The following FBXL17 variants were observed in gnomAD, a reference collection of about 807,000 sequenced individuals.
FBXL17 encodes the protein F-box/LRR-repeat protein 17.
A neutral mutation model predicts 66.2 loss-of-function variants in FBXL17; 22 were observed. The observed-to-expected ratio is 0.33, with a 90% confidence interval of 0.24 to 0.47. The LOEUF (loss-of-function observed/expected upper bound fraction) is 0.47, where lower values mean the gene tolerates loss of function less well. Ranked by LOEUF, FBXL17 falls within the 20% of genes least tolerant of loss-of-function variation. FBXL17 has a pLI of 1.00. For missense variants in FBXL17, 878 were observed against 948.2 expected, an observed-to-expected ratio of 0.93 and a Z score of 0.97; for synonymous variants, 474 against 400.5, an observed-to-expected ratio of 1.18 and a Z score of -2.19.
chr5:108,142,819 C>A (rs1234690499), intron 6 of FBXL17, among the ~76,000 whole-genome samples: 2 of 151,660 alleles, frequency 1.3e-5, no homozygotes, highest in African/African-American at 4.8e-5. Context: ...GTCAGATCAG[C>A]AGCAGCAGCA....
rs180927504 is a variant in FBXL17, at chr5:108,103,627, A to G, written c.1745+82490T>C. Among the ~76,000 whole-genome samples the G allele has an allele frequency of 3.6e-3, 542 of 152,274 alleles. 1 individual carries two copies. Among genetic ancestry groups the G allele is most frequent in the Non-Finnish European group, 6.0e-3 (405 of 68,014 alleles). ...TTTTATGTCATGTATTTTTCAGGCA[A>G]TCTCATACTCCTGTAGTAAAACTTT... On this transcript the variant is annotated intron_variant, in intron 6 of 8. Coordinates refer to ENST00000542267, the MANE Select transcript of FBXL17 (RefSeq NM_001163315.3).
intron 2 of FBXL17, among the ~76,000 whole-genome samples, chr5:108,367,046 G>C (rs1378362605): frequency 6.6e-6 from 1 of 151,984 alleles, no homozygotes. Context: ...TTACAAATCA[G>C]GGCTTTTTTT....
Position 108,253,314 on chromosome 5 carries a change from C to A in FBXL17, c.1507-29086G>T, listed in dbSNP as rs183142843. The stretch of plus-strand genomic sequence containing the variant: ...TGCAATGGTAATTCTGGTATTTATG[C>A]ATGTAGAATGGTTCTTTGAATACTG... On this transcript the variant is annotated intron_variant, in intron 4 of 8. Coordinates refer to ENST00000542267, the MANE Select transcript of FBXL17 (RefSeq NM_001163315.3). Among the ~76,000 whole-genome samples, 6 of 152,188 alleles carry A rather than the reference C, an allele frequency of 3.9e-5. No individual in the cohort carries two copies. The East Asian group carries it at 9.7e-4, about 24-fold the overall frequency.
chr5:108,209,121 T>C (rs1186874888), intron 5 of FBXL17, among the ~76,000 whole-genome samples: 1 of 152,214 alleles, frequency 6.6e-6, no homozygotes, highest in African/African-American at 2.4e-5. Context: ...TAGTCTGTTA[T>C]TGGTGTATAG....
At chr5:108,362,309 G>A (rs1426649804) in intron 3 of FBXL17, among the ~76,000 whole-genome samples, 1 of 152,132 alleles carries the variant, frequency 6.6e-6, no homozygotes, top group Admixed American at 6.6e-5. Flanking sequence ...GAGCTGGAGT[G>A]TTAAACTGCT....
intron 5 of FBXL17, among the ~76,000 whole-genome samples, chr5:108,204,631 A>AT (rs1327648017): frequency 2.6e-5 from 4 of 152,168 alleles, no homozygotes; most frequent in African/African-American, 9.6e-5. Context: ...ATAACTTGCC[A>AT]TTTTTGGCAT....
At chr5:108,238,426 G>A (rs1172212297) in intron 4 of FBXL17, among the ~76,000 whole-genome samples, 1 of 152,136 alleles carries the variant, frequency 6.6e-6, no homozygotes, top group Admixed American at 6.6e-5. Flanking sequence ...AGTAAGAAGG[G>A]CACATGTTAA....
At chr5:108,105,722 T>G (rs2081477166) in intron 6 of FBXL17, among the ~76,000 whole-genome samples, 1 of 151,956 alleles carries the variant, frequency 6.6e-6, no homozygotes, top group Non-Finnish European at 1.5e-5. Context: ...AACTTTGCTT[T>G]TGCTTTCAAC....
chr5:108,016,782 C>CATT (rs1554057332), intron 7 of FBXL17, among the ~76,000 whole-genome samples: 2 of 146,458 alleles, frequency 1.4e-5, no homozygotes, highest in Non-Finnish European at 3.0e-5. Context: ...TTCTTTCTTT[C>CATT]TTTCTTTTTT....
chr5:108,156,464 T>A (rs1752000883), intron 6 of FBXL17, among the ~76,000 whole-genome samples: 1 of 151,988 alleles, frequency 6.6e-6, no homozygotes, highest in Non-Finnish European at 1.5e-5. Flanking sequence ...TATTTATATA[T>A]CTTAGACATA....
chr5:108,244,014 A>T (rs550225965), intron 4 of FBXL17, among the ~76,000 whole-genome samples: 83 of 152,272 alleles, frequency 5.5e-4, no homozygotes, highest in Non-Finnish European at 1.0e-3. Flanking sequence ...GATAAAGGCA[A>T]TGTATTTAGA....
At chr5:108,143,661 G>A (rs2149989009) in intron 6 of FBXL17, among the ~76,000 whole-genome samples, 1 of 143,782 alleles carries the variant, frequency 7.0e-6, no homozygotes, top group Non-Finnish European at 1.5e-5. Context: ...CCTTCCTTGA[G>A]CCCCTTAGCT....
At chr5:108,128,057 C>T (rs1270819495) in intron 6 of FBXL17, among the ~76,000 whole-genome samples, 1 of 151,890 alleles carries the variant, frequency 6.6e-6, no homozygotes, top group Non-Finnish European at 1.5e-5. Context: ...ACCAGGCTGG[C>T]CAACAAGGTG....
rs999747338 is a variant in FBXL17, at chr5:107,859,382, T to G, written c.*2338A>C. ...CAGGACCACTCAAGGTGATGCTTTTTTCTGGCTGTTTTTTTTTTTTTTTTT... is the reference window on the plus strand; with the variant it reads ...CAGGACCACTCAAGGTGATGCTTTTGTCTGGCTGTTTTTTTTTTTTTTTTT... On this transcript the variant is annotated 3_prime_UTR_variant, in exon 9 of 9. Transcript: ENST00000542267. The G allele has an allele frequency of 5.4e-5, 8 of 148,194 alleles. No homozygotes were observed. Among genetic ancestry groups the G allele is most frequent in the African/African-American group, 2.0e-4 (8 of 40,348 alleles). The allele number at this position is 148,194 out of a possible 1,614,324, so 9.2% of individuals were successfully genotyped here.
At chr5:108,285,343 C>A (rs1181094951) in intron 4 of FBXL17, among the ~76,000 whole-genome samples, 1 of 151,884 alleles carries the variant, frequency 6.6e-6, no homozygotes, top group Non-Finnish European at 1.5e-5. Flanking sequence ...TTCTTAATGG[C>A]ATCTAGAATG....
chr5:108,263,859 C>T (rs1017904392), intron 4 of FBXL17, among the ~76,000 whole-genome samples: 1 of 152,132 alleles, frequency 6.6e-6, no homozygotes, highest in Non-Finnish European at 1.5e-5. Context: ...CTTATTAGAA[C>T]AAACTACCCA....
intron 4 of FBXL17, among the ~76,000 whole-genome samples, chr5:108,267,171 C>G (rs994416604): frequency 6.6e-6 from 1 of 151,740 alleles, no homozygotes; most frequent in African/African-American, 2.4e-5. Flanking sequence ...TTTAGGACAT[C>G]ATTAAAAAAT....
chr5:107,875,807 T>C (rs957824829), intron 8 of FBXL17, among the ~76,000 whole-genome samples: 1 of 152,194 alleles, frequency 6.6e-6, no homozygotes, highest in Non-Finnish European at 1.5e-5. Flanking sequence ...TGATGAGAAA[T>C]GAATTAATTC....
At chr5:108,005,668 T>A (rs911374478) in intron 7 of FBXL17, among the ~76,000 whole-genome samples, 4 of 152,192 alleles carry the variant, frequency 2.6e-5, no homozygotes, top group Admixed American at 1.3e-4. Flanking sequence ...GTAACAATGA[T>A]CCCTGATTGA....
Sources: allele counts gnomAD v4.1 joint callset (sites outside exome capture counted in the v4.1 genomes callset), GRCh38; gene constraint gnomAD v4.1.1; transcripts MANE v1.5; gene names NCBI Gene and HGNC (gene_info 2026-07-23, HGNC 2026-07-21).